Variants in LHFPL6 observed in about 807,000 individuals in gnomAD.
The protein encoded by LHFPL6 is LHFPL tetraspan subfamily member 6 protein.
LHFPL6 carries 9 observed loss-of-function variants against 20.6 expected under a neutral mutation model. The ratio of observed to expected loss-of-function variants is 0.44; its 90% confidence interval spans 0.26 to 0.76. The LOEUF is 0.76. Among genes scored for constraint, LHFPL6 ranks in the 30% least tolerant of loss-of-function variants. The pLI is 0.20. For synonymous variants in LHFPL6, 105 were observed against 98.7 expected (o/e 1.06, Z -0.38); for missense variants, 218 against 253.5 (o/e 0.86, Z 0.95).
chr13:39,535,643 A>G (rs1870594803), intron 2 of LHFPL6, among the ~76,000 whole-genome samples: 1 of 152,220 alleles, frequency 6.6e-6, no homozygotes, highest in African/African-American at 2.4e-5. Flanking sequence ...CAGTGTACAC[A>G]TTCTGCTTTA....
In LHFPL6 at chr13:39,375,988, T is replaced by TATAA. The variant is rs905049363; in HGVS notation, c.484+2436_484+2439dup. ...AAATTGCCAGAATGGTTTTAGAGTG[T>TATAA]ATAATAACATTAAAAAACAATTACC... On this transcript the variant is annotated intron_variant, in intron 3 of 3. Coordinates refer to ENST00000379589, the MANE Select transcript of LHFPL6 (RefSeq NM_005780.3). Among the ~76,000 whole-genome samples, 121 of 152,252 alleles carry TATAA rather than the reference T, an allele frequency of 7.9e-4. 2 individuals carry two copies. Among genetic ancestry groups the TATAA allele is most frequent in the African/African-American group, 2.6e-3 (108 of 41,544 alleles).
chr13:39,558,445 T>C (rs9576859), intron 2 of LHFPL6, among the ~76,000 whole-genome samples: 25,481 of 152,208 alleles, frequency 0.17, 2,620 homozygotes, highest in East Asian at 0.49. Context: ...TGACAACACA[T>C]AATTGGAAGT....
At chr13:39,363,760 G>A (rs1265713283) in intron 3 of LHFPL6, among the ~76,000 whole-genome samples, 2 of 152,088 alleles carry the variant, frequency 1.3e-5, no homozygotes, top group Non-Finnish European at 2.9e-5. Flanking sequence ...ATGCAGTCCT[G>A]ACTCTTTGGG....
rs1314277427 is a variant in LHFPL6 at position 39,565,137 on chromosome 13, T to C, written c.385+35695A>G. ...GCTTAGAATAAAAAACAAACTGTCC[T>C]GAAATAAGCTTGCCATCTATATCAT... On this transcript the variant is annotated intron_variant, in intron 2 of 3. Transcript: ENST00000379589. Among the ~76,000 whole-genome samples the C allele has an allele frequency of 2.0e-5, 3 of 152,220 alleles. No homozygotes were observed. The East Asian group carries it at 5.8e-4, about 29-fold the overall frequency.
At chr13:39,347,855 G>A (rs1468062963) in intron 3 of LHFPL6, among the ~76,000 whole-genome samples, 1 of 152,100 alleles carries the variant, frequency 6.6e-6, no homozygotes, top group Admixed American at 6.5e-5. Context: ...TTAGCACTGG[G>A]CTCATAACAC....
intron 2 of LHFPL6, among the ~76,000 whole-genome samples, chr13:39,590,290 C>G (rs1312054344): frequency 6.6e-6 from 1 of 152,168 alleles, no homozygotes; most frequent in African/African-American, 2.4e-5. Flanking sequence ...ATATTCCTCC[C>G]CATTTTATCT....
intron 2 of LHFPL6, among the ~76,000 whole-genome samples, chr13:39,530,517 C>G (rs1411772485): frequency 6.6e-6 from 1 of 152,066 alleles, no homozygotes; most frequent in Non-Finnish European, 1.5e-5. Context: ...TGTCATCACA[C>G]TGCACAAATT....
At chr13:39,372,137 C>T (rs894008567) in intron 3 of LHFPL6, among the ~76,000 whole-genome samples, 2 of 148,650 alleles carry the variant, frequency 1.3e-5, no homozygotes, top group African/African-American at 2.5e-5. Flanking sequence ...AGATCTCACA[C>T]GTTCTTCCTG....
At chr13:39,482,059 G>A (rs1868545645) in intron 2 of LHFPL6, among the ~76,000 whole-genome samples, 1 of 152,208 alleles carries the variant, frequency 6.6e-6, no homozygotes, top group Non-Finnish European at 1.5e-5. Flanking sequence ...TGAATCTGAA[G>A]CTGCTGGGTA....
intron 3 of LHFPL6, among the ~76,000 whole-genome samples, chr13:39,344,258 G>A (rs1593278500): frequency 6.6e-6 from 1 of 152,288 alleles, no homozygotes; most frequent in East Asian, 1.9e-4. Context: ...GGATCTCAAT[G>A]TCTACCTCTC....
intron 2 of LHFPL6, among the ~76,000 whole-genome samples, chr13:39,410,240 G>A (rs1426135715): frequency 1.3e-5 from 2 of 152,184 alleles, no homozygotes; most frequent in Non-Finnish European, 2.9e-5. Flanking sequence ...AAAATCTTGA[G>A]GCCAAATTTA....
At chr13:39,373,805 T>C (rs1361493596) in intron 3 of LHFPL6, among the ~76,000 whole-genome samples, 2 of 152,088 alleles carry the variant, frequency 1.3e-5, no homozygotes, top group Non-Finnish European at 2.9e-5. Context: ...ATCAAAGAAA[T>C]GGAAAACCAC....
chr13:39,571,856 G>T (rs1179286850), intron 2 of LHFPL6, among the ~76,000 whole-genome samples: 8 of 152,222 alleles, frequency 5.3e-5, no homozygotes, highest in Admixed American at 5.2e-4. Flanking sequence ...CTGGCCACGG[G>T]CCCTGCATGG....
At chr13:39,513,898 A>G (rs1042196364) in intron 2 of LHFPL6, among the ~76,000 whole-genome samples, 6 of 152,208 alleles carry the variant, frequency 3.9e-5, no homozygotes, top group African/African-American at 1.2e-4. Flanking sequence ...GATAAATAAT[A>G]CACACAATTC....
Position 39,493,980 on chromosome 13 carries a change from G to A in LHFPL6, c.385+106852C>T, listed in dbSNP as rs542377973. Reference sequence around the variant, plus strand: ...CATCCCTCTTCTTAGAAGGTGCAAGGTGACCTAGCTTTAAACCTCAGACCA... The same window carrying A: ...CATCCCTCTTCTTAGAAGGTGCAAGATGACCTAGCTTTAAACCTCAGACCA... On this transcript the variant is annotated intron_variant, in intron 2 of 3. Transcript: ENST00000379589. Among the ~76,000 whole-genome samples the A allele has an allele frequency of 2.6e-5, 4 of 152,306 alleles. No homozygotes were observed. The South Asian group carries it at 8.3e-4, about 32-fold the overall frequency.
chr13:39,526,313 A>G (rs1300411783), intron 2 of LHFPL6, among the ~76,000 whole-genome samples: 5 of 152,228 alleles, frequency 3.3e-5, no homozygotes, highest in African/African-American at 1.2e-4. Flanking sequence ...ACAGGAATGT[A>G]GATACAGATA....
At chr13:39,545,446 G>T (rs1167725792) in intron 2 of LHFPL6, among the ~76,000 whole-genome samples, 24 of 151,992 alleles carry the variant, frequency 1.6e-4, no homozygotes, top group Admixed American at 1.4e-3. Flanking sequence ...TGGCTCTGAA[G>T]CCACTGAAGG....
In LHFPL6 at chr13:39,390,190, A is replaced by G. The variant is rs1404761680; in HGVS notation, c.386-11664T>C. Among the ~76,000 whole-genome samples, 4 of 152,286 alleles carry G rather than the reference A, an allele frequency of 2.6e-5. No homozygotes were observed. In the East Asian group the frequency reaches 7.7e-4, roughly 29 times the overall value. On this transcript the variant is annotated intron_variant, in intron 2 of 3. Coordinates refer to ENST00000379589, the MANE Select transcript of LHFPL6 (RefSeq NM_005780.3). ...AAGTAGTAAAATCTACATTTGTTGAACTGGATAGTGAAAGAAGGACTTTCT... is the reference window on the plus strand; with the variant it reads ...AAGTAGTAAAATCTACATTTGTTGAGCTGGATAGTGAAAGAAGGACTTTCT...
At chr13:39,445,987 G>T (rs1203364069) in intron 2 of LHFPL6, among the ~76,000 whole-genome samples, 1 of 152,136 alleles carries the variant, frequency 6.6e-6, no homozygotes, top group Non-Finnish European at 1.5e-5. Flanking sequence ...CTTAGAAGGA[G>T]AATTAAAAAG....
Sources: gnomAD v4.1 joint callset for allele counts (sites outside exome capture counted in the v4.1 genomes callset) on GRCh38, gnomAD v4.1.1 for gene constraint, MANE v1.5 for transcripts, NCBI Gene and HGNC (gene_info 2026-07-23, HGNC 2026-07-21) for gene names.